Variants in NRAP observed in about 807,000 individuals in gnomAD.
The protein encoded by NRAP is nebulin-related-anchoring protein.
A neutral mutation model predicts 225.9 loss-of-function variants in NRAP; 189 were observed. The observed-to-expected ratio is 0.84, with a 90% CI of 0.74 to 0.94. The LOEUF (loss-of-function observed/expected upper bound fraction) is 0.94. Ranked by LOEUF, NRAP falls within the 40% of genes least tolerant of loss-of-function variation. The pLI is 0.00. For synonymous variants in NRAP, 769 were observed against 790.7 expected (o/e 0.97, Z 0.46); for missense variants, 2,176 against 2,168.7 (o/e 1.00, Z -0.07).
chr10:113,622,209 A>C (rs768487808), intron 23 of NRAP, 29 bp from the exon 24 acceptor site: 1 of 1,493,648 alleles, frequency 6.7e-7, no homozygotes, highest in Non-Finnish European at 9.3e-7. Flanking sequence ...GCAGGGATAC[A>C]TTAGAACCTC....
intron 13 of NRAP, 67 bp downstream of exon 13, chr10:113,641,298 G>A: frequency 1.1e-6 from 1 of 929,086 alleles, no homozygotes; most frequent in Non-Finnish European, 1.7e-6. Context: ...AATTTAAAAA[G>A]AATTGGCTGA....
chr10:113,611,273 A>C (rs1413130748), intron 30 of NRAP, among the ~76,000 whole-genome samples: 1 of 152,026 alleles, frequency 6.6e-6, no homozygotes, highest in African/African-American at 2.4e-5. Flanking sequence ...AGTTTATGTC[A>C]TTCAGTAAAC....
At chr10:113,651,238 C>G (rs1480833189) in intron 7 of NRAP, among the ~76,000 whole-genome samples, 1 of 152,196 alleles carries the variant, frequency 6.6e-6, no homozygotes, top group African/African-American at 2.4e-5. Flanking sequence ...ATGTCTCATA[C>G]ATTCTCCCTC....
At chr10:113,608,386 C>G in intron 32 of NRAP, 28 bp downstream of exon 32, 1 of 1,420,912 alleles carries the variant, frequency 7.0e-7, no homozygotes, top group Non-Finnish European at 9.9e-7. Flanking sequence ...TTTAAAAAGA[C>G]CATTCCAAAG....
chr10:113,648,344 GT>G (rs1849708330), intron 9 of NRAP, among the ~76,000 whole-genome samples: 1 of 151,746 alleles, frequency 6.6e-6, no homozygotes, highest in Non-Finnish European at 1.5e-5. Flanking sequence ...AAAAGGTTAA[GT>G]TTTTTTAAAA....
rs1170026245 is a variant in NRAP at position 113,650,460 on chromosome 10, C to G, written c.761G>C (p.Arg254Thr). The change falls in exon 8 of 42, where the codon AGA becomes ACA. Residue 254 changes from arginine (R) to threonine (T), a missense_variant. Physicochemically the swap from Arg to Thr is moderately conservative, Grantham distance 71. Around this residue, in one of 3 missense-constraint regions of NRAP, gnomAD observed 1,708 missense variants for 1,695.5 expected, o/e 1.01. Coordinates refer to ENST00000359988, the MANE Select transcript of NRAP (RefSeq NM_198060.4). The stretch of plus-strand genomic sequence containing the variant: ...TACATCACTTGCCAGCTCATTGGCT[C>G]TTTTGGCTATCTGATAGGCGGGTGT... ...MITPAYQIAK[R>T]ANELASDVRY... is the part of the protein sequence containing the mutation. 6.2e-7 allele frequency: 1 copy of G among 1,613,456 alleles called. No individual in the cohort carries two copies. Among genetic ancestry groups the G allele is most frequent in the Non-Finnish European group, 8.5e-7 (1 of 1,179,444 alleles).
intron 1 of NRAP, 109 bp from the exon 2 acceptor site, chr10:113,663,555 TAAAAA>T: frequency 1.4e-6 from 1 of 726,130 alleles, no homozygotes; most frequent in Non-Finnish European, 2.3e-6. Flanking sequence ...ATGCTGATTT[TAAAAA>T]AATTAAAATC....
chr10:113,648,213 A>G (rs1046833227), intron 9 of NRAP, among the ~76,000 whole-genome samples: 2 of 152,176 alleles, frequency 1.3e-5, no homozygotes, highest in Non-Finnish European at 2.9e-5. Flanking sequence ...TTTCTAAAAT[A>G]AAATAGTTGG....
intron 27 of NRAP, among the ~76,000 whole-genome samples, chr10:113,615,159 G>C (rs1411533502): frequency 6.6e-6 from 1 of 152,116 alleles, no homozygotes; most frequent in East Asian, 1.9e-4. Context: ...GGGGTTGGGG[G>C]GGATGGGTTG....
At chr10:113,647,220 C>T (rs1849570162) in intron 9 of NRAP, among the ~76,000 whole-genome samples, 193 bp from the exon 10 acceptor site, 1 of 152,100 alleles carries the variant, frequency 6.6e-6, no homozygotes, top group Admixed American at 6.5e-5. Context: ...TACTGGTGCC[C>T]AGCACATAGT....
intron 38 of NRAP, among the ~76,000 whole-genome samples, chr10:113,595,181 C>A (rs1846219909): frequency 6.6e-6 from 1 of 152,206 alleles, no homozygotes; most frequent in Non-Finnish European, 1.5e-5. Context: ...ACGGGATGGG[C>A]TACCATTGCA....
At chr10:113,606,067 C>A in intron 33 of NRAP, 111 bp downstream of exon 33, 1 of 877,142 alleles carries the variant, frequency 1.1e-6, no homozygotes. Context: ...CTAAGCTACA[C>A]ATTTTAAAAA....
At chr10:113,648,691 A>G (rs896370396) in intron 9 of NRAP, among the ~76,000 whole-genome samples, 6 of 152,174 alleles carry the variant, frequency 3.9e-5, no homozygotes, top group Admixed American at 1.3e-4. Flanking sequence ...CTAAATCACA[A>G]CAGTGAAATG....
intron 20 of NRAP, among the ~76,000 whole-genome samples, chr10:113,626,945 C>T (rs3127089): frequency 0.29 from 43,977 of 152,030 alleles, 6,580 homozygotes; most frequent in Admixed American, 0.36. Context: ...TTGAAACTGC[C>T]AAAGCTGCTG....
chr10:113,628,862 T>C (rs541345840), intron 20 of NRAP, 55 bp downstream of exon 20: 50 of 931,994 alleles, frequency 5.4e-5, no homozygotes, highest in South Asian at 4.9e-4. Flanking sequence ...AAGATCACCC[T>C]GCATGTGTCA....
At chr10:113,604,176 G>T (rs1339143229) in intron 35 of NRAP, among the ~76,000 whole-genome samples, 1 of 152,114 alleles carries the variant, frequency 6.6e-6, no homozygotes, top group East Asian at 1.9e-4. Context: ...GAGTGCAGTG[G>T]CGCGATCTCA....
intron 34 of NRAP, among the ~76,000 whole-genome samples, 156 bp from the exon 35 acceptor site, chr10:113,605,076 T>C (rs1846872693): frequency 6.6e-6 from 1 of 152,078 alleles, no homozygotes; most frequent in African/African-American, 2.4e-5. Context: ...GGATGAACAA[T>C]TAAAACATCG....
intron 40 of NRAP, among the ~76,000 whole-genome samples, chr10:113,590,320 T>C (rs1406376108): frequency 6.6e-6 from 1 of 152,154 alleles, no homozygotes; most frequent in Non-Finnish European, 1.5e-5. Flanking sequence ...ATCTGTAAAA[T>C]GAAGCAGCCC....
intron 26 of NRAP, among the ~76,000 whole-genome samples, chr10:113,616,191 A>C (rs1053585311): frequency 5.9e-5 from 9 of 152,194 alleles, no homozygotes; most frequent in Admixed American, 4.6e-4. Flanking sequence ...TGGCTCTTGT[A>C]CAGGTGAGGT....
Sources: gnomAD v4.1 joint callset for allele counts (sites outside exome capture counted in the v4.1 genomes callset) on GRCh38, gnomAD v4.1.1 for gene constraint, gnomAD v4.1.1 regional missense constraint, MANE v1.5 for transcripts, NCBI Gene and HGNC (gene_info 2026-07-23, HGNC 2026-07-21) for gene names.